STK32A: variants seen among roughly 807,000 people sequenced by gnomAD.
STK32A encodes the protein serine/threonine kinase 32A.
A neutral mutation model predicts 53.2 loss-of-function variants in STK32A; 41 were observed. That is an observed-to-expected ratio of 0.77 (90% CI 0.60 to 1.00). The LOEUF (loss-of-function observed/expected upper bound fraction) is 1.00. Ranked by LOEUF, STK32A falls within the 50% of genes least tolerant of loss-of-function variation. The pLI is 0.00. For missense variants in STK32A, 458 were observed against 485.8 expected (o/e 0.94, Z 0.54); for synonymous variants, 166 against 162.8 (o/e 1.02, Z -0.15).
At chr5:147,327,531 T>C (rs1754659440) in intron 5 of STK32A, among the ~76,000 whole-genome samples, 1 of 152,208 alleles carries the variant, frequency 6.6e-6, no homozygotes, top group Admixed American at 6.5e-5. Context: ...CCTTTGGACA[T>C]GGTAGAAGAT....
chr5:147,381,565 C>T (rs1361814791), intron 11 of STK32A, among the ~76,000 whole-genome samples: 1 of 151,810 alleles, frequency 6.6e-6, no homozygotes, highest in Non-Finnish European at 1.5e-5. Context: ...ATCTCTTGAA[C>T]CCAAGAGGAG....
chr5:147,344,610 T>C (rs1755595733), intron 6 of STK32A, among the ~76,000 whole-genome samples: 1 of 152,188 alleles, frequency 6.6e-6, no homozygotes, highest in Non-Finnish European at 1.5e-5. Context: ...CTGTTTCTTG[T>C]TGGGGGAAAA....
At chr5:147,255,100 A>G (rs900101609) in intron 2 of STK32A, among the ~76,000 whole-genome samples, 1 of 152,198 alleles carries the variant, frequency 6.6e-6, no homozygotes, top group Non-Finnish European at 1.5e-5. Context: ...AGATCCTGCC[A>G]TTGCATGCCA....
the STK32A span, chr5:147,399,300 T>C: frequency 1.3e-6 from 2 of 1,576,852 alleles, no homozygotes; most frequent in East Asian, 4.5e-5. Flanking sequence ...TACATATATA[T>C]CAATTCAGGG....
intron 9 of STK32A, among the ~76,000 whole-genome samples, chr5:147,371,292 A>C (rs1182315426): frequency 6.6e-6 from 1 of 152,142 alleles, no homozygotes; most frequent in Non-Finnish European, 1.5e-5. Flanking sequence ...ACAGTCCAGG[A>C]TATTTTCCTT....
intron 4 of STK32A, among the ~76,000 whole-genome samples, chr5:147,311,577 GTTTTT>G (rs1233212594): frequency 1.3e-5 from 2 of 152,098 alleles, no homozygotes; most frequent in Non-Finnish European, 2.9e-5. Flanking sequence ...GTTTTGTTTT[GTTTTT>G]AAGAGACAGA....
At chr5:147,358,477 A>T (rs1397592565) in intron 7 of STK32A, among the ~76,000 whole-genome samples, 6 of 152,208 alleles carry the variant, frequency 3.9e-5, no homozygotes, top group African/African-American at 1.4e-4. Flanking sequence ...TCACATGTAT[A>T]GGAACGTTCA....
downstream of STK32A, among the ~76,000 whole-genome samples, chr5:147,389,211 C>G (rs969661579): frequency 4.6e-5 from 7 of 152,302 alleles, 1 homozygote; most frequent in Admixed American, 4.6e-4. Context: ...CATCTCCTCC[C>G]CACCCGTCCC....
rs1246208643 is a variant in STK32A, at chr5:147,308,160, A to ATG, written c.261-15737_261-15736insGT. On this transcript the variant is annotated intron_variant, in intron 4 of 12. Coordinates refer to ENST00000397936, the MANE Select transcript of STK32A (RefSeq NM_001112724.2). Reference sequence around the variant, plus strand: ...ATTTTATATATATATATATATATATATATGTGTGTACATGCATATACATAT... The same window carrying ATG: ...ATTTTATATATATATATATATATATATGTATGTGTGTACATGCATATACATAT... 3.6e-5 allele frequency among the ~76,000 whole-genome samples: 3 copies of ATG among 82,826 alleles called. No individual in the cohort carries two copies. The East Asian group carries it at 6.9e-4, about 19-fold the overall frequency. The allele number at this position is 82,826 out of a possible 152,430, so 54.3% of individuals were successfully genotyped here. A position where few individuals can be genotyped will look rare whatever the true frequency, so the allele number is the denominator to read the frequency against.
chr5:147,327,877 A>C (rs1164047688), intron 5 of STK32A, among the ~76,000 whole-genome samples: 1 of 152,226 alleles, frequency 6.6e-6, no homozygotes, highest in Non-Finnish European at 1.5e-5. Context: ...ATGCATGGCC[A>C]CCTGCCTCAG....
chr5:147,304,956 GAATAA>G (rs1733586595), intron 4 of STK32A, among the ~76,000 whole-genome samples: 1 of 151,928 alleles, frequency 6.6e-6, no homozygotes, highest in African/African-American at 2.4e-5. Context: ...CAAAATATAA[GAATAA>G]AATAATTAGC....
At chr5:147,300,373 T>C (rs961026058) in intron 4 of STK32A, among the ~76,000 whole-genome samples, 2 of 152,132 alleles carry the variant, frequency 1.3e-5, no homozygotes, top group African/African-American at 4.8e-5. Flanking sequence ...CCTATACACA[T>C]CTCTGAGACT....
At chr5:147,283,064 A>C (rs1440756639) in intron 4 of STK32A, among the ~76,000 whole-genome samples, 1 of 152,206 alleles carries the variant, frequency 6.6e-6, no homozygotes, top group East Asian at 1.9e-4. Context: ...AGCCTCAATA[A>C]ATTTAAGAAA....
chr5:147,393,770 T>C, the STK32A span: 1 of 474,086 alleles, frequency 2.1e-6, no homozygotes, highest in African/African-American at 2.0e-5. Context: ...GCAGACTCTT[T>C]TACCTTAGTG....
intron 4 of STK32A, among the ~76,000 whole-genome samples, chr5:147,315,934 T>A (rs1383679380): frequency 1.3e-5 from 2 of 151,980 alleles, no homozygotes; most frequent in Non-Finnish European, 2.9e-5. Context: ...GTAAAAAAAA[T>A]GAAACCAATT....
chr5:147,264,205 A>G (rs1754706951), intron 2 of STK32A, among the ~76,000 whole-genome samples: 1 of 152,238 alleles, frequency 6.6e-6, no homozygotes, highest in Admixed American at 6.5e-5. Flanking sequence ...TCAGTAAAAC[A>G]AGAAAGAAGG....
rs368040539 is a variant in STK32A, at chr5:147,386,971, A to G, written c.*2988A>G. The stretch of plus-strand genomic sequence containing the variant: ...ACTAGGTGGAACATGTCTCTTCCGG[A>G]GTTGTGACAACCGAGGCTCAGAGCT... On this transcript the variant is annotated 3_prime_UTR_variant, in exon 13 of 13. Transcript: ENST00000397936. The G allele has an allele frequency of 2.8e-4, 43 of 152,200 alleles. No individual in the cohort carries two copies. Among genetic ancestry groups the G allele is most frequent in the African/African-American group, 9.4e-4 (39 of 41,456 alleles). 9.4% of individuals were successfully genotyped at this position (152,200 alleles called of 1,614,324 possible).
intron 2 of STK32A, among the ~76,000 whole-genome samples, chr5:147,273,789 C>A (rs1755145614): frequency 6.6e-6 from 1 of 152,118 alleles, no homozygotes; most frequent in African/African-American, 2.4e-5. Context: ...CTAAACAAGT[C>A]TTTGCCTTAC....
Position 147,329,675 on chromosome 5 carries a change from C to T in STK32A, c.434+5604C>T, listed in dbSNP as rs907284344. On this transcript the variant is annotated intron_variant, in intron 5 of 12. Coordinates refer to ENST00000397936, the MANE Select transcript of STK32A (RefSeq NM_001112724.2). Reference sequence around the variant, plus strand: ...CACACACACACAATATGCTTAGTTGCGTCTTCCCAATGCTCATGGTTATAC... The same window carrying T: ...CACACACACACAATATGCTTAGTTGTGTCTTCCCAATGCTCATGGTTATAC... 5.3e-5 allele frequency among the ~76,000 whole-genome samples: 8 copies of T among 152,084 alleles called. No individual in the cohort carries two copies. The South Asian group carries it at 6.2e-4, about 12-fold the overall frequency.
Sources: gnomAD v4.1 joint callset for allele counts (sites outside exome capture counted in the v4.1 genomes callset) on GRCh38, gnomAD v4.1.1 for gene constraint, MANE v1.5 for transcripts, NCBI Gene and HGNC (gene_info 2026-07-23, HGNC 2026-07-21) for gene names.